Variants in RANBP17 observed in about 807,000 individuals in gnomAD.
RANBP17 encodes RAN binding protein 17, also known as ran-binding protein 17.
A neutral mutation model predicts 141.2 loss-of-function variants in RANBP17; 158 were observed. That is an observed-to-expected ratio of 1.12 (90% CI 0.98 to 1.28). The LOEUF is 1.28. RANBP17 is among the 50% of genes most tolerant of loss of function. RANBP17 has a pLI of 0.00. For missense variants in RANBP17, 1,438 were observed against 1,290.7 expected (o/e 1.11, Z -1.75); for synonymous variants, 430 against 450.0 (o/e 0.96, Z 0.56).
At chr5:170,889,125 C>G (rs1361799992) in intron 3 of RANBP17, among the ~76,000 whole-genome samples, 1 of 151,050 alleles carries the variant, frequency 6.6e-6, no homozygotes, top group Non-Finnish European at 1.5e-5. Flanking sequence ...TTTGCTTGCC[C>G]TTTCTTTCTC....
intron 5 of RANBP17, chr5:170,904,423 A>G (rs924903868): frequency 2.6e-5 from 4 of 155,108 alleles, no homozygotes; most frequent in African/African-American, 9.6e-5. Context: ...CAGAAAAAAC[A>G]TACCTGTGCA....
intron 14 of RANBP17, among the ~76,000 whole-genome samples, chr5:170,972,881 T>G (rs906136755): frequency 5.9e-5 from 9 of 152,208 alleles, no homozygotes; most frequent in Admixed American, 5.9e-4. Context: ...GTTTTGCCAG[T>G]CTTTCAGAAA....
At chr5:171,058,039 T>A (rs1481695278) in intron 14 of RANBP17, among the ~76,000 whole-genome samples, 7 of 152,130 alleles carry the variant, frequency 4.6e-5, no homozygotes, top group Non-Finnish European at 1.5e-5. Flanking sequence ...GAGATTTGGT[T>A]ATATGTAGCT....
At chr5:171,284,195 C>T (rs1295381174) in intron 25 of RANBP17, among the ~76,000 whole-genome samples, 1 of 152,150 alleles carries the variant, frequency 6.6e-6, no homozygotes, top group Non-Finnish European at 1.5e-5. Flanking sequence ...CCATTCATTG[C>T]CATAGCCACC....
chr5:170,863,901 T>C (rs28624647), intron 1 of RANBP17, among the ~76,000 whole-genome samples: 91,309 of 152,110 alleles, frequency 0.6, 29,152 homozygotes, highest in South Asian at 0.89. Flanking sequence ...AAAAGCGGAG[T>C]TGGACAAATA....
At chr5:170,886,627 C>T (rs978364491) in intron 3 of RANBP17, among the ~76,000 whole-genome samples, 21 of 147,278 alleles carry the variant, frequency 1.4e-4, no homozygotes, top group South Asian at 8.5e-4. Context: ...AATATTTCAA[C>T]ACTACACCAT....
chr5:171,181,958 G>C (rs1760887188), intron 16 of RANBP17, among the ~76,000 whole-genome samples: 1 of 152,348 alleles, frequency 6.6e-6, no homozygotes, highest in Admixed American at 6.5e-5. Context: ...GCTGAGACAG[G>C]CTAGGTTTAT....
intron 25 of RANBP17, among the ~76,000 whole-genome samples, chr5:171,287,751 G>A (rs1768261237): frequency 6.6e-6 from 1 of 151,838 alleles, no homozygotes; most frequent in South Asian, 2.1e-4. Context: ...TTTTGAGATG[G>A]AGTCTCACTC....
chr5:171,025,585 CTTTTTTTTTT>C (rs1312063647), intron 14 of RANBP17, among the ~76,000 whole-genome samples: 1 of 137,272 alleles, frequency 7.3e-6, no homozygotes, highest in African/African-American at 2.7e-5. Context: ...TTCTTTTTTT[CTTTTTTTTTT>C]GAGACAGAAT....
At chr5:171,070,649 A>G (rs542340773) in intron 14 of RANBP17, among the ~76,000 whole-genome samples, 3 of 152,102 alleles carry the variant, frequency 2.0e-5, no homozygotes, top group Non-Finnish European at 2.9e-5. Context: ...AGAATGGTCT[A>G]CTCATGCATT....
At chr5:171,135,363 G>A (rs539233562) in intron 14 of RANBP17, among the ~76,000 whole-genome samples, 38 of 151,932 alleles carry the variant, frequency 2.5e-4, no homozygotes, top group Non-Finnish European at 4.3e-4. Context: ...GCAAAAATTG[G>A]ATAATGCTTT....
chr5:171,095,268 C>A (rs1447311044), intron 14 of RANBP17, among the ~76,000 whole-genome samples: 1 of 152,138 alleles, frequency 6.6e-6, no homozygotes, highest in African/African-American at 2.4e-5. Flanking sequence ...GTAATGCCAT[C>A]TTATATTATT....
chr5:171,189,713 G>A (rs1049761184), intron 18 of RANBP17, among the ~76,000 whole-genome samples: 3 of 152,160 alleles, frequency 2.0e-5, no homozygotes, highest in Non-Finnish European at 4.4e-5. Flanking sequence ...GTTGCTCTCT[G>A]TTCAGAGTGT....
chr5:171,088,138 G>T, intron 14 of RANBP17, among the ~76,000 whole-genome samples: 1 of 151,548 alleles, frequency 6.6e-6, no homozygotes, highest in Non-Finnish European at 1.5e-5. Flanking sequence ...CTTCCTTCAG[G>T]AGCTCTTTTA....
chr5:170,965,503 G>T (rs2127523854), intron 13 of RANBP17, among the ~76,000 whole-genome samples: 1 of 152,270 alleles, frequency 6.6e-6, no homozygotes, highest in Non-Finnish European at 1.5e-5. Flanking sequence ...TAATGCCTAG[G>T]TTTTCTTCTA....
intron 14 of RANBP17, among the ~76,000 whole-genome samples, chr5:171,148,067 A>G (rs1323531506): frequency 6.6e-6 from 1 of 152,028 alleles, no homozygotes; most frequent in Non-Finnish European, 1.5e-5. Context: ...CTGCCTTGGG[A>G]TCCTGTTGAT....
At chr5:171,050,765 G>C (rs951457641) in intron 14 of RANBP17, among the ~76,000 whole-genome samples, 2 of 152,056 alleles carry the variant, frequency 1.3e-5, no homozygotes, top group African/African-American at 4.8e-5. Context: ...TTTCACTCCA[G>C]ATAGTCCAAG....
intron 14 of RANBP17, among the ~76,000 whole-genome samples, chr5:171,098,709 A>G (rs1170947452): frequency 6.6e-6 from 1 of 152,024 alleles, no homozygotes; most frequent in Admixed American, 6.6e-5. Flanking sequence ...TGAAGTTATC[A>G]CCCATGCCTG....
At chr5:171,121,713 G>A (rs1355897681) in intron 14 of RANBP17, among the ~76,000 whole-genome samples, 1 of 152,144 alleles carries the variant, frequency 6.6e-6, no homozygotes, top group African/African-American at 2.4e-5. Context: ...GCCACTCCTG[G>A]GACCAGGCTC....
Sources: allele counts gnomAD v4.1 joint callset (sites outside exome capture counted in the v4.1 genomes callset), GRCh38; gene constraint gnomAD v4.1.1; transcripts MANE v1.5; gene names NCBI Gene and HGNC (gene_info 2026-07-23, HGNC 2026-07-21).